RBFOX1: variants seen among roughly 807,000 people sequenced by gnomAD.
RBFOX1 encodes the protein RNA binding fox-1 homolog 1, also known as RNA binding protein fox-1 homolog 1.
Under a neutral mutation model 57.7 loss-of-function variants are expected in RBFOX1, and 8 were observed. The observed-to-expected ratio is 0.14, with a 90% CI of 0.08 to 0.25. The LOEUF (loss-of-function observed/expected upper bound fraction) is 0.25. Among genes scored for constraint, RBFOX1 ranks in the 10% least tolerant of loss-of-function variants. RBFOX1 has a pLI of 1.00. For missense variants in RBFOX1, 611 were observed against 548.5 expected, an observed-to-expected ratio of 1.11 and a Z score of -1.14; for synonymous variants, 326 against 222.4, an observed-to-expected ratio of 1.47 and a Z score of -4.15.
chr16:6,009,794 G>GTGTGTGTATGTGTGTGTGTGTCTC (rs2094949447), intron 4 of RBFOX1, among the ~76,000 whole-genome samples: 1 of 138,308 alleles, frequency 7.2e-6, no homozygotes, highest in South Asian at 2.6e-4. Context: ...ACATGGGGCA[G>GTGTGTGTATGTGTGTGTGTGTCTC]TGTGTGTATG....
intron 14 of RBFOX1, among the ~76,000 whole-genome samples, chr16:7,680,069 C>A (rs1159828142): frequency 6.6e-6 from 1 of 152,122 alleles, no homozygotes; most frequent in African/African-American, 2.4e-5. Flanking sequence ...GCAGAGGGGC[C>A]TTTGGTCATC....
chr16:5,800,958 A>G (rs1289056327), intron 3 of RBFOX1, among the ~76,000 whole-genome samples: 1 of 152,142 alleles, frequency 6.6e-6, no homozygotes, highest in Non-Finnish European at 1.5e-5. Context: ...ATACAGACCC[A>G]TGGGAGGCTC....
intron 3 of RBFOX1, among the ~76,000 whole-genome samples, chr16:6,811,776 C>G (rs1360451504): frequency 2.0e-5 from 3 of 152,162 alleles, no homozygotes; most frequent in African/African-American, 4.8e-5. Context: ...GTAATCCCAA[C>G]TACTGGGGAG....
At position 5,565,959 on chromosome 16, in the gene RBFOX1, A is replaced by G. The variant is rs369820001; in HGVS notation, c.259-32943A>G. ...TGAAGCATGGGGGGCAGTTTCCCCC[A>G]TAGTGTTCTCATGGTAGTGAATAAG... On this transcript the variant is annotated intron_variant, in intron 2 of 2. Coordinates refer to the RBFOX1 transcript ENST00000585867. 5.3e-5 allele frequency among the ~76,000 whole-genome samples: 8 copies of G among 152,168 alleles called. No individual in the cohort carries two copies. The South Asian group carries it at 6.2e-4, about 12-fold the overall frequency.
chr16:7,047,716 CTTTTTTT>C (rs55636828), intron 3 of RBFOX1, among the ~76,000 whole-genome samples: 12 of 47,936 alleles, frequency 2.5e-4, no homozygotes, highest in African/African-American at 6.2e-4. Flanking sequence ...TCCTGCATTT[CTTTTTTT>C]TTTTTTTTTT....
intron 3 of RBFOX1, among the ~76,000 whole-genome samples, chr16:5,802,848 C>T (rs1161402511): frequency 6.6e-6 from 1 of 152,188 alleles, no homozygotes; most frequent in African/African-American, 2.4e-5. Flanking sequence ...CCCCATCTGT[C>T]CACCTATCCA....
chr16:5,387,992 A>C (rs2066301790), intron 1 of RBFOX1, among the ~76,000 whole-genome samples: 1 of 152,214 alleles, frequency 6.6e-6, no homozygotes, highest in Non-Finnish European at 1.5e-5. Flanking sequence ...CAAGGAATGC[A>C]GGTGGCCTCT....
intron 1 of RBFOX1, among the ~76,000 whole-genome samples, chr16:6,145,924 A>C (rs541816731): frequency 6.6e-6 from 1 of 152,256 alleles, no homozygotes; most frequent in Admixed American, 6.5e-5. Flanking sequence ...CACCTGACTG[A>C]GGATGAATTT....
intron 3 of RBFOX1, among the ~76,000 whole-genome samples, chr16:6,895,448 G>GTGTGTGTGTATATA (rs869028735): frequency 1.8e-5 from 1 of 54,610 alleles, no homozygotes; most frequent in African/African-American, 8.7e-5. Context: ...GTGTGTGTGT[G>GTGTGTGTGTATATA]TATATATATA....
intron 1 of RBFOX1, among the ~76,000 whole-genome samples, chr16:5,429,556 C>G (rs1406689976): frequency 1.3e-5 from 2 of 152,176 alleles, no homozygotes; most frequent in African/African-American, 2.4e-5. Context: ...ATTCCGATAA[C>G]AGCTCCAGGC....
intron 3 of RBFOX1, among the ~76,000 whole-genome samples, chr16:6,836,501 T>A (rs1398417292): frequency 1.3e-5 from 2 of 152,194 alleles, no homozygotes; most frequent in Admixed American, 6.5e-5. Flanking sequence ...CTTCAAACCT[T>A]CCTTCTACGT....
chr16:6,345,949 G>A (rs2085306395), intron 2 of RBFOX1, among the ~76,000 whole-genome samples: 1 of 152,180 alleles, frequency 6.6e-6, no homozygotes, highest in Admixed American at 6.5e-5. Context: ...ACAAAGGCAG[G>A]AAGACTCAAA....
Position 5,505,987 on chromosome 16 carries a change from A to G in RBFOX1, c.258+38733A>G, listed in dbSNP as rs550086733. 2.5e-4 allele frequency among the ~76,000 whole-genome samples: 38 copies of G among 152,214 alleles called. No individual in the cohort carries two copies. In the South Asian group the frequency reaches 7.5e-3, roughly 30 times the overall value. ...TCCCGCATTGACCCAGATTGTGTGTATATCAGTTAGGGAAGGAGGGAAGAT... is the reference window on the plus strand; with the variant it reads ...TCCCGCATTGACCCAGATTGTGTGTGTATCAGTTAGGGAAGGAGGGAAGAT... On this transcript the variant is annotated intron_variant, in intron 2 of 2. Transcript: ENST00000585867.
intron 4 of RBFOX1, among the ~76,000 whole-genome samples, chr16:7,132,474 A>T (rs977470798): frequency 2.9e-5 from 3 of 103,754 alleles, no homozygotes; most frequent in Non-Finnish European, 4.0e-5. Flanking sequence ...ACACACACAC[A>T]CACACACAGT....
At chr16:5,755,858 A>G (rs1049132672) in intron 3 of RBFOX1, among the ~76,000 whole-genome samples, 3 of 152,126 alleles carry the variant, frequency 2.0e-5, no homozygotes, top group African/African-American at 7.2e-5. Flanking sequence ...TCGGCCTCCC[A>G]AAGTGCTGGA....
chr16:7,654,066 C>A, intron 12 of RBFOX1, 119 bp downstream of exon 12: 1 of 1,081,758 alleles, frequency 9.2e-7, no homozygotes, highest in Non-Finnish European at 1.3e-6. Flanking sequence ...CCAGAACCGC[C>A]CCCAGCATGC....
chr16:7,697,615 A>G (rs545283228), intron 14 of RBFOX1, among the ~76,000 whole-genome samples: 10 of 152,274 alleles, frequency 6.6e-5, no homozygotes, highest in African/African-American at 2.4e-4. Context: ...CCCATTTTGG[A>G]AAGTGAAAAA....
chr16:5,688,449 C>T (rs2050569848), intron 3 of RBFOX1, among the ~76,000 whole-genome samples: 1 of 152,180 alleles, frequency 6.6e-6, no homozygotes, highest in South Asian at 2.1e-4. Context: ...TGCAAGAATT[C>T]CTGAGTGCAT....
At position 6,895,442 on chromosome 16, in the gene RBFOX1, GTGTGTGTATATA is replaced by G. The variant is rs1399440330; in HGVS notation, c.-15-156613_-15-156602del. Among the ~76,000 whole-genome samples the G allele has an allele frequency of 4.3e-3, 338 of 78,636 alleles. 2 individuals are homozygous for G. The highest frequency in any genetic ancestry group is 0.016 in the African/African-American group (322 of 19,890). 51.6% of individuals were successfully genotyped at this position (78,636 alleles called of 152,430 possible). On this transcript the variant is annotated intron_variant, in intron 3 of 15. Transcript: ENST00000550418. ...TATGTGTGTGTGTGTGTGTGTGTGTGTGTGTGTATATATATATATATATATATATATATATAT... is the reference window on the plus strand; with the variant it reads ...TATGTGTGTGTGTGTGTGTGTGTGTGTATATATATATATATATATATATAT...
Sources: allele counts gnomAD v4.1 joint callset (sites outside exome capture counted in the v4.1 genomes callset), GRCh38; gene constraint gnomAD v4.1.1; transcripts MANE v1.5; gene names NCBI Gene and HGNC (gene_info 2026-07-23, HGNC 2026-07-21).